The following TBPL2 variants were observed in gnomAD, a reference collection of about 807,000 sequenced individuals.
TBPL2 encodes the protein TATA box-binding protein-like 2.
Under a neutral mutation model 38.2 loss-of-function variants are expected in TBPL2, and 40 were observed. The ratio of observed to expected loss-of-function variants is 1.05; its 90% confidence interval spans 0.81 to 1.36. TBPL2 has a LOEUF of 1.36. Ranked by LOEUF, TBPL2 falls within the 40% of genes most tolerant of loss-of-function variation. TBPL2 has a pLI of 0.00. For missense variants in TBPL2, 461 were observed against 456.7 expected (o/e 1.01, Z -0.09); for synonymous variants, 169 against 171.7 (o/e 0.98, Z 0.12).
At chr14:55,427,045 C>G (rs1183479870) in intron 5 of TBPL2, among the ~76,000 whole-genome samples, 1 of 152,154 alleles carries the variant, frequency 6.6e-6, no homozygotes, top group Non-Finnish European at 1.5e-5. Context: ...GTACACTAAG[C>G]CGATTCAGAG....
chr14:55,429,165 G>A (rs1478026275), intron 4 of TBPL2, among the ~76,000 whole-genome samples, 191 bp from the exon 5 acceptor site: 2 of 152,182 alleles, frequency 1.3e-5, no homozygotes, highest in Non-Finnish European at 2.9e-5. Flanking sequence ...TTGTAAAATT[G>A]TACAGCTGTT....
intron 6 of TBPL2, among the ~76,000 whole-genome samples, chr14:55,423,261 T>C (rs1055918275): frequency 1.3e-5 from 2 of 152,230 alleles, no homozygotes; most frequent in African/African-American, 4.8e-5. Flanking sequence ...CTGCCAAGCA[T>C]TTGGTAAAAG....
At chr14:55,428,640 G>A (rs1314975919) in intron 5 of TBPL2, among the ~76,000 whole-genome samples, 167 bp downstream of exon 5, 1 of 151,780 alleles carries the variant, frequency 6.6e-6, no homozygotes, top group Non-Finnish European at 1.5e-5. Context: ...GGGCACATGT[G>A]GTAACCTATG....
At chr14:55,435,352 T>C (rs985635221) in intron 3 of TBPL2, among the ~76,000 whole-genome samples, 3 of 151,370 alleles carry the variant, frequency 2.0e-5, no homozygotes, top group Non-Finnish European at 2.9e-5. Context: ...CTTGGCTCAC[T>C]GCAACCTCTG....
chr14:55,439,278 TAA>T (rs34693240), intron 1 of TBPL2, among the ~76,000 whole-genome samples: 11 of 133,860 alleles, frequency 8.2e-5, no homozygotes, highest in East Asian at 2.2e-4. Flanking sequence ...TAATTAACTT[TAA>T]AAAAAAAAAA....
chr14:55,423,302 T>G (rs1015276581), intron 6 of TBPL2, among the ~76,000 whole-genome samples: 4 of 152,252 alleles, frequency 2.6e-5, no homozygotes, highest in African/African-American at 7.2e-5. Flanking sequence ...TAAGACCATG[T>G]GATACAGAAC....
rs189084179 is a variant in TBPL2, at chr14:55,439,621, C to G, written c.150+775G>C. On this transcript the variant is annotated intron_variant, in intron 1 of 6. Coordinates refer to ENST00000247219, the Ensembl canonical transcript of TBPL2. ...GCCTGGGGAGAAAAGCAAACCCCCC[C>G]CCGTCTCTACTAAAAAATACAAAAA... Among the ~76,000 whole-genome samples the G allele has an allele frequency of 2.6e-4, 36 of 138,238 alleles. 6 individuals are homozygous for G. The East Asian group carries it at 8.9e-3, about 34-fold the overall frequency. The allele number at this position is 138,238 out of a possible 152,430, so 90.7% of individuals were successfully genotyped here.
chr14:55,430,291 G>C (rs894558060), intron 4 of TBPL2, among the ~76,000 whole-genome samples: 4 of 150,554 alleles, frequency 2.7e-5, no homozygotes, highest in African/African-American at 9.8e-5. Flanking sequence ...ACTAAAGCAA[G>C]TGTTTGATTC....
intron 5 of TBPL2, 140 bp from the exon 6 acceptor site, chr14:55,424,393 C>T (rs1885789319): frequency 3.6e-6 from 2 of 563,108 alleles, no homozygotes; most frequent in Middle Eastern, 3.6e-4. Flanking sequence ...TTTTAACTAT[C>T]TTGATGAAGA....
rs528851481 is a variant in TBPL2 at position 55,425,166 on chromosome 14, G to A, written c.957-913C>T. Among the ~76,000 whole-genome samples, 56 of 152,332 alleles carry A rather than the reference G, an allele frequency of 3.7e-4. No individual in the cohort carries two copies. The South Asian group carries it at 0.011, about 30-fold the overall frequency. ...GCTCCAGAAAGGCGCATCTTGAAGT[G>A]AGTCTTGCCCATCTCAAGTATAGGA... On this transcript the variant is annotated intron_variant, in intron 5 of 6. Transcript: ENST00000247219.
chr14:55,428,841 C>A lies in TBPL2; in HGVS notation c.922G>T (p.Glu308Ter). Residue 308 changes from glutamate (E) to a stop codon, truncating the protein, a stop_gained, in exon 5 of 7, where the codon GAA (glutamate) becomes TAA (stop). Transcript: ENST00000247219. LOFTEE classifies it high-confidence loss of function. ...TGCTGATGGGTTAGCACCAAACCTTCCAGCCTGATGGGAAATCTCACATCA... is the reference window on the plus strand; with the variant it reads ...TGCTGATGGGTTAGCACCAAACCTTACAGCCTGATGGGAAATCTCACATCA... The A allele has an allele frequency of 1.2e-6, 2 of 1,614,220 alleles. No individual in the cohort carries two copies. The highest frequency in any genetic ancestry group is 1.7e-6 in the Non-Finnish European group (2 of 1,180,036).
intron 6 of TBPL2, among the ~76,000 whole-genome samples, chr14:55,415,306 G>A (rs1203843137): frequency 6.6e-6 from 1 of 152,164 alleles, no homozygotes; most frequent in Non-Finnish European, 1.5e-5. Context: ...GAAGAGAAAT[G>A]GAAAATAGCT....
At chr14:55,436,597 G>A (rs868333782) in exon 2 of TBPL2, 1 of 1,614,176 alleles carries the variant, frequency 6.2e-7, no homozygotes, top group Non-Finnish European at 8.5e-7. Flanking sequence ...TTCTGAAATA[G>A]GGGTCATTGG....
At chr14:55,431,384 TAACA>T (rs906944189) in intron 4 of TBPL2, among the ~76,000 whole-genome samples, 8 of 152,360 alleles carry the variant, frequency 5.3e-5, no homozygotes, top group African/African-American at 1.7e-4. Context: ...GAAAGTTGGA[TAACA>T]AACACCATTT....
At chr14:55,424,298 C>A (rs759048074) in intron 5 of TBPL2, 45 bp from the exon 6 acceptor site, 3 of 1,288,894 alleles carry the variant, frequency 2.3e-6, no homozygotes, top group African/African-American at 2.9e-5. Flanking sequence ...CACTATTCAG[C>A]TCCTTTCCCA....
intron 1 of TBPL2, among the ~76,000 whole-genome samples, chr14:55,439,128 G>C (rs1205071310): frequency 6.6e-6 from 1 of 151,898 alleles, no homozygotes; most frequent in Non-Finnish European, 1.5e-5. Context: ...TAGCAGAGGC[G>C]AAGTTTCGCC....
chr14:55,424,350 G>T, intron 5 of TBPL2, 97 bp from the exon 6 acceptor site: 1 of 716,766 alleles, frequency 1.4e-6, no homozygotes, highest in Non-Finnish European at 2.3e-6. Context: ...TATTAAAGCA[G>T]TTGTAAATAA....
chr14:55,426,306 A>G (rs1205908671), intron 5 of TBPL2, among the ~76,000 whole-genome samples: 1 of 152,010 alleles, frequency 6.6e-6, no homozygotes, highest in Non-Finnish European at 1.5e-5. Context: ...AGAGGGAAAA[A>G]TTCTCATTGA....
intron 1 of TBPL2, among the ~76,000 whole-genome samples, chr14:55,438,136 C>T (rs998025221): frequency 6.6e-6 from 1 of 152,102 alleles, no homozygotes; most frequent in South Asian, 2.1e-4. Context: ...GCAGGAGAAA[C>T]TCAAAAAGAT....
Sources: gnomAD v4.1 joint callset for allele counts (sites outside exome capture counted in the v4.1 genomes callset) on GRCh38, gnomAD v4.1.1 for gene constraint, MANE v1.5 for transcripts, NCBI Gene and HGNC (gene_info 2026-07-23, HGNC 2026-07-21) for gene names.